The following EVA1A variants were observed in gnomAD, a reference collection of about 807,000 sequenced individuals.
EVA1A encodes the protein eva-1 homolog A, regulator of programmed cell death, also known as protein eva-1 homolog A.
A neutral mutation model predicts 9.8 loss-of-function variants in EVA1A; 7 were observed. The observed-to-expected ratio is 0.71, with a 90% CI of 0.41 to 1.34. The LOEUF is 1.34. Ranked by LOEUF, EVA1A falls within the 40% of genes most tolerant of loss-of-function variation. The probability of loss-of-function intolerance (pLI) is 0.01; values close to 1 mark genes in which losing one functional copy is unlikely to be tolerated. For missense variants in EVA1A, 206 were observed against 205.9 expected (o/e 1.00, Z 0.00); for synonymous variants, 90 against 85.6 (o/e 1.05, Z -0.28).
intron 1 of EVA1A, chr2:75,526,335 T>C (rs1426473372): frequency 6.6e-6 from 1 of 152,220 alleles, no homozygotes; most frequent in African/African-American, 2.4e-5. Context: ...AAATTGAATG[T>C]TGAGCAACTG....
At chr2:75,544,418 C>G (rs977924800) in intron 1 of EVA1A, among the ~76,000 whole-genome samples, 1 of 152,142 alleles carries the variant, frequency 6.6e-6, no homozygotes, top group Non-Finnish European at 1.5e-5. Flanking sequence ...ATTAGCATTA[C>G]TAGTAGCATG....
intron 1 of EVA1A, among the ~76,000 whole-genome samples, chr2:75,568,401 A>C (rs1186411889): frequency 6.6e-6 from 1 of 150,712 alleles, no homozygotes; most frequent in East Asian, 1.9e-4. Context: ...ATAATAAATA[A>C]ATAATTATTA....
At chr2:75,542,877 T>G (rs1676185353) in intron 1 of EVA1A, among the ~76,000 whole-genome samples, 1 of 152,086 alleles carries the variant, frequency 6.6e-6, no homozygotes, top group Non-Finnish European at 1.5e-5. Flanking sequence ...ATATTGTGAC[T>G]CCAGGGTAAT....
intron 1 of EVA1A, among the ~76,000 whole-genome samples, chr2:75,539,343 T>C (rs1676030575): frequency 6.6e-6 from 1 of 152,196 alleles, no homozygotes; most frequent in African/African-American, 2.4e-5. Flanking sequence ...CATGGGCTGA[T>C]ATACAAGAAA....
At chr2:75,545,931 C>T (rs1676313585) in intron 1 of EVA1A, among the ~76,000 whole-genome samples, 1 of 152,000 alleles carries the variant, frequency 6.6e-6, no homozygotes, top group South Asian at 2.1e-4. Context: ...CAGATAATAG[C>T]TGAGAATGGG....
intron 1 of EVA1A, among the ~76,000 whole-genome samples, chr2:75,541,413 G>A (rs763929131): frequency 1.3e-5 from 2 of 152,196 alleles, no homozygotes; most frequent in Non-Finnish European, 2.9e-5. Flanking sequence ...AGCTAGTCCT[G>A]TGAGGTAAGA....
intron 1 of EVA1A, among the ~76,000 whole-genome samples, chr2:75,524,510 C>T (rs1461959161): frequency 6.6e-6 from 1 of 152,080 alleles, no homozygotes. Context: ...GCTCTCCTCC[C>T]TACAGGCTAG....
At chr2:75,527,412 T>A (rs993045536) in intron 1 of EVA1A, among the ~76,000 whole-genome samples, 3 of 152,068 alleles carry the variant, frequency 2.0e-5, no homozygotes, top group African/African-American at 7.2e-5. Flanking sequence ...AATAACTAGA[T>A]CCTCCTCCCC....
At position 75,493,064 on chromosome 2, in the gene EVA1A, C is replaced by T; in HGVS notation, c.*172G>A. 1.1e-6 allele frequency: 1 copy of T among 913,536 alleles called. No homozygotes were observed. Among genetic ancestry groups the T allele is most frequent in the Non-Finnish European group, 1.7e-6 (1 of 605,114 alleles). 56.6% of individuals were successfully genotyped at this position (913,536 alleles called of 1,614,324 possible). A position where few individuals can be genotyped will look rare whatever the true frequency, so the allele number is the denominator to read the frequency against. On this transcript the variant is annotated 3_prime_UTR_variant, in exon 4 of 4. Coordinates refer to ENST00000393913, the MANE Select transcript of EVA1A (RefSeq NM_001135032.2). ...AACTGCTTTGATTTTTCTACTTCTC[C>T]ATACATTTGGCCAAAAAGGAGCAAT... is the stretch of plus-strand genomic sequence containing the variant.
upstream of EVA1A, among the ~76,000 whole-genome samples, chr2:75,565,097 T>C (rs569562399): frequency 1.1e-4 from 16 of 152,298 alleles, no homozygotes. Flanking sequence ...CCCGTGTGTC[T>C]ATCAATGCAG....
intron 1 of EVA1A, among the ~76,000 whole-genome samples, chr2:75,547,569 T>C (rs1365398450): frequency 6.6e-6 from 1 of 152,152 alleles, no homozygotes; most frequent in Non-Finnish European, 1.5e-5. Context: ...ACCCAAGACT[T>C]TTTTTTCCTT....
At chr2:75,527,925 C>T (rs190700388) in intron 1 of EVA1A, among the ~76,000 whole-genome samples, 8 of 152,250 alleles carry the variant, frequency 5.3e-5, no homozygotes, top group South Asian at 4.1e-4. Flanking sequence ...AGTCAGTGCC[C>T]GAAGTGAGGG....
intron 1 of EVA1A, among the ~76,000 whole-genome samples, chr2:75,547,228 G>A (rs1676362461): frequency 6.6e-6 from 1 of 152,142 alleles, no homozygotes; most frequent in East Asian, 1.9e-4. Flanking sequence ...GGAACAGAGG[G>A]GAAAGAATGG....
intron 1 of EVA1A, chr2:75,558,805 A>C (rs1280953430): frequency 6.6e-6 from 1 of 152,244 alleles, no homozygotes; most frequent in Non-Finnish European, 1.5e-5. Flanking sequence ...GTCGGGGGTT[A>C]CATTTTATTC....
In EVA1A at chr2:75,493,379, T is replaced by C. The variant is rs751755030; in HGVS notation, c.316A>G (p.Thr106Ala). ...SVRRHRRFER[T>A]LNKNVFTSAE... ...GAGGTGAACACATTCTTGTTCAAAG[T>C]CCTCTCGAAGCGGCGGTGTCTCCGC... is the stretch of plus-strand genomic sequence containing the variant. The change falls in exon 4 of 4, where the codon ACT (threonine) becomes GCT (alanine). Residue 106 changes from threonine to alanine, a missense_variant. Coordinates refer to ENST00000393913, the MANE Select transcript of EVA1A (RefSeq NM_001135032.2). 5.6e-6 allele frequency: 9 copies of C among 1,614,262 alleles called. No individual in the cohort carries two copies. Among genetic ancestry groups the C allele is most frequent in the Non-Finnish European group, 6.8e-6 (8 of 1,180,048 alleles).
intron 1 of EVA1A, among the ~76,000 whole-genome samples, chr2:75,528,630 G>C (rs573357159): frequency 6.6e-6 from 1 of 152,116 alleles, no homozygotes; most frequent in African/African-American, 2.4e-5. Flanking sequence ...CACCCAAGAA[G>C]AGTCTGAGCT....
At chr2:75,528,354 C>T (rs1675526110) in intron 1 of EVA1A, among the ~76,000 whole-genome samples, 1 of 152,146 alleles carries the variant, frequency 6.6e-6, no homozygotes, top group Admixed American at 6.5e-5. Context: ...CTTGCTTTCT[C>T]AGCAGGGAGG....
intron 1 of EVA1A, among the ~76,000 whole-genome samples, chr2:75,555,336 T>TCTCTCTCTCTCTCTCTCTC (rs766586263): frequency 9.7e-6 from 1 of 102,742 alleles, no homozygotes; most frequent in Non-Finnish European, 2.2e-5. Flanking sequence ...TCTCTCTCTC[T>TCTCTCTCTCTCTCTCTCTC]CCCCCATCTC....
rs753826502 is a variant in EVA1A at position 75,495,486 on chromosome 2, C to T, written c.86-1877G>A. 3.2e-4 allele frequency among the ~76,000 whole-genome samples: 48 copies of T among 152,308 alleles called. 1 individual carries two copies. The highest frequency in any genetic ancestry group is 8.3e-4 in the South Asian group (4 of 4,824). On this transcript the variant is annotated intron_variant, in intron 3 of 3. Coordinates refer to ENST00000393913, the MANE Select transcript of EVA1A (RefSeq NM_001135032.2). ...TGGTCTAGTGGCTTGTTCCAGGTCA[C>T]GCTCACAAAGGTAATGGCATTAAGT...
Sources: allele counts gnomAD v4.1 joint callset (sites outside exome capture counted in the v4.1 genomes callset), GRCh38; gene constraint gnomAD v4.1.1; transcripts MANE v1.5; gene names NCBI Gene and HGNC (gene_info 2026-07-23, HGNC 2026-07-21).